COLEC10: variants seen among roughly 807,000 people sequenced by gnomAD.
COLEC10 encodes collectin subfamily member 10.
COLEC10 carries 22 observed loss-of-function variants against 28.4 expected under a neutral mutation model. The observed-to-expected ratio is 0.78, with a 90% CI of 0.55 to 1.11. The LOEUF (loss-of-function observed/expected upper bound fraction) is 1.11, where lower values mean the gene tolerates loss of function less well. COLEC10 is among the 50% of genes least tolerant of loss of function. The pLI is 0.00. For missense variants in COLEC10, 361 were observed against 344.1 expected, an observed-to-expected ratio of 1.05 and a Z score of -0.39; for synonymous variants, 125 against 116.1, an observed-to-expected ratio of 1.08 and a Z score of -0.49.
At chr8:119,035,778 A>G (rs373206591) in intron 2 of COLEC10, among the ~76,000 whole-genome samples, 2 of 152,204 alleles carry the variant, frequency 1.3e-5, no homozygotes, top group Admixed American at 6.5e-5. Flanking sequence ...ATAAGAAACA[A>G]GCAGCGGTTA....
At chr8:118,952,733 G>A in the COLEC10 span, among the ~76,000 whole-genome samples, 3 of 152,254 alleles carry the variant, frequency 2.0e-5, no homozygotes, top group East Asian at 3.9e-4. Context: ...CTTCCTACGC[G>A]CTGAACTTCT....
At chr8:119,043,508 C>T (rs1212646300) in intron 2 of COLEC10, among the ~76,000 whole-genome samples, 1 of 152,204 alleles carries the variant, frequency 6.6e-6, no homozygotes, top group East Asian at 1.9e-4. Context: ...GAAAAACACA[C>T]ATGAAAAATC....
At chr8:119,104,734 G>A (rs1000415611) in intron 5 of COLEC10, among the ~76,000 whole-genome samples, 4 of 152,088 alleles carry the variant, frequency 2.6e-5, no homozygotes, top group African/African-American at 9.7e-5. Context: ...GGAAATACTT[G>A]ATATTAACTA....
intron 2 of COLEC10, among the ~76,000 whole-genome samples, chr8:119,034,662 C>G (rs1814355564): frequency 6.6e-6 from 1 of 152,002 alleles, no homozygotes; most frequent in Non-Finnish European, 1.5e-5. Context: ...TGAGCCAAGA[C>G]CGCGCCACTG....
At chr8:119,020,658 G>A (rs1397308279) in intron 2 of COLEC10, among the ~76,000 whole-genome samples, 1 of 152,060 alleles carries the variant, frequency 6.6e-6, no homozygotes, top group African/African-American at 2.4e-5. Flanking sequence ...TGGTTACCTG[G>A]TATTATCATG....
the COLEC10 span, among the ~76,000 whole-genome samples, chr8:118,986,170 A>C: frequency 6.6e-6 from 1 of 152,196 alleles, no homozygotes; most frequent in African/African-American, 2.4e-5. Flanking sequence ...CATACCATGA[A>C]GTTACTAGAA....
rs755714967 is a variant in COLEC10, at chr8:119,089,691, GA to G, written c.165del (p.Gly56GlufsTer87). The G allele has an allele frequency of 1.9e-6, 3 of 1,613,214 alleles. No individual in the cohort carries two copies. Among genetic ancestry groups the G allele is most frequent in the East Asian group, 2.2e-5 (1 of 44,826 alleles). On this transcript the variant is annotated frameshift_variant, in exon 2 of 6. Transcript: ENST00000332843. LOFTEE classifies it high-confidence loss of function. ...TTCTGTTTCAAAAGGAGATGATGGT[GA>G]AAAAGGAGATCCAGGAGAAGAGGGA... Reference protein sequence around the residue: ...ISPGPKGDDGEKGDPGEEGKH... With the variant: ...ISPGPKGDDGXKGDPGEEGKH...
upstream of COLEC10, among the ~76,000 whole-genome samples, chr8:119,062,260 C>A (rs913552764): frequency 6.6e-6 from 1 of 151,568 alleles, no homozygotes; most frequent in Admixed American, 6.6e-5. Flanking sequence ...CAATGAGTAT[C>A]TAAACTGAAA....
chr8:118,976,429 C>T, the COLEC10 span: 3 of 152,098 alleles, frequency 2.0e-5, no homozygotes, highest in African/African-American at 7.2e-5. Flanking sequence ...GCAAGCCTGA[C>T]AGCCAGAGAA....
the COLEC10 span, among the ~76,000 whole-genome samples, chr8:118,987,709 G>A: frequency 6.6e-6 from 1 of 152,050 alleles, no homozygotes; most frequent in African/African-American, 2.4e-5. Flanking sequence ...TCATGTGAAT[G>A]GCAGAATAAA....
intron 2 of COLEC10, among the ~76,000 whole-genome samples, chr8:119,026,943 T>C (rs1405228558): frequency 6.6e-6 from 1 of 152,132 alleles, no homozygotes; most frequent in Non-Finnish European, 1.5e-5. Flanking sequence ...GGCTGATTGC[T>C]GGGGGCTGAA....
chr8:119,030,035 C>T (rs1185538221), intron 2 of COLEC10, among the ~76,000 whole-genome samples: 2 of 152,082 alleles, frequency 1.3e-5, no homozygotes, highest in African/African-American at 4.8e-5. Flanking sequence ...TTGGCCTGTC[C>T]CTGTAAAGCC....
chr8:119,081,940 A>G (rs1815378134), intron 1 of COLEC10, among the ~76,000 whole-genome samples: 1 of 152,242 alleles, frequency 6.6e-6, no homozygotes, highest in Non-Finnish European at 1.5e-5. Flanking sequence ...TTTATTGAAC[A>G]GACACTATTC....
In COLEC10 at chr8:119,052,508, A is replaced by G. The variant is rs1348736220; in HGVS notation, n.236-37172A>G. Among the ~76,000 whole-genome samples the G allele has an allele frequency of 1.3e-5, 2 of 152,170 alleles. 1 individual carries two copies. Among genetic ancestry groups the G allele is most frequent in the South Asian group, 4.1e-4 (2 of 4,828 alleles). On this transcript the variant is annotated intron_variant and non_coding_transcript_variant, in intron 2 of 6. Coordinates refer to the COLEC10 transcript ENST00000521788. ...GCTATCATTACTGGCCTTAATTTCT[A>G]AGATCTGAATTCAATTTCCAGTTGT...
At chr8:119,088,236 GAGAA>G (rs1223347559) in intron 1 of COLEC10, among the ~76,000 whole-genome samples, 1 of 151,750 alleles carries the variant, frequency 6.6e-6, no homozygotes, top group African/African-American at 2.4e-5. Context: ...AAAAAAGAAA[GAGAA>G]AGAAAAGAAA....
At chr8:118,956,612 G>A in the COLEC10 span, among the ~76,000 whole-genome samples, 7 of 152,082 alleles carry the variant, frequency 4.6e-5, no homozygotes, top group Non-Finnish European at 8.8e-5. Context: ...TGCCTACTCA[G>A]TCCCAAGAAA....
chr8:119,022,207 T>C (rs1814111401), intron 2 of COLEC10, among the ~76,000 whole-genome samples: 1 of 151,790 alleles, frequency 6.6e-6, no homozygotes, highest in South Asian at 2.1e-4. Context: ...GTGAAAAGAG[T>C]CTGGATTCTA....
At chr8:119,092,012 G>T (rs995941820) in intron 3 of COLEC10, among the ~76,000 whole-genome samples, 1 of 151,600 alleles carries the variant, frequency 6.6e-6, no homozygotes, top group Non-Finnish European at 1.5e-5. Flanking sequence ...CTATTAACAG[G>T]ATAGAAACTT....
In COLEC10 at chr8:119,018,838, C is replaced by T. The variant is rs143037222; in HGVS notation, n.235+9285C>T. On this transcript the variant is annotated intron_variant and non_coding_transcript_variant, in intron 2 of 6. Coordinates refer to the COLEC10 transcript ENST00000521788. ...GATTCCATAGGTAGTAAATCTTTTC[C>T]GATTATTTAATGTGTGCATACATGG... Among the ~76,000 whole-genome samples, 42 of 152,128 alleles carry T rather than the reference C, an allele frequency of 2.8e-4. No homozygotes were observed. The East Asian group carries it at 4.3e-3, about 15-fold the overall frequency.
Sources: allele counts gnomAD v4.1 joint callset (sites outside exome capture counted in the v4.1 genomes callset), GRCh38; gene constraint gnomAD v4.1.1; transcripts MANE v1.5; gene names NCBI Gene and HGNC (gene_info 2026-07-23, HGNC 2026-07-21).